The following NFIA variants were observed in gnomAD, a reference collection of about 807,000 sequenced individuals.
The protein encoded by NFIA is nuclear factor 1 A-type.
In NFIA, 8 loss-of-function variants were observed where a neutral mutation model predicts 62.8. That is an observed-to-expected ratio of 0.13 (90% CI 0.07 to 0.23). The LOEUF (loss-of-function observed/expected upper bound fraction) is 0.23. NFIA is among the 10% of genes least tolerant of loss of function. The probability of loss-of-function intolerance (pLI) is 1.00; values close to 1 mark genes in which losing one functional copy is unlikely to be tolerated. For synonymous variants in NFIA, 235 were observed against 238.1 expected (o/e 0.99, Z 0.12); for missense variants, 410 against 642.1 (o/e 0.64, Z 3.91).
chr1:61,316,145 C>G (rs1196462112), intron 3 of NFIA, among the ~76,000 whole-genome samples: 1 of 152,110 alleles, frequency 6.6e-6, no homozygotes, highest in Non-Finnish European at 1.5e-5. Context: ...TCCTCCCAAC[C>G]CCCCTCAACC....
At position 61,455,505 on chromosome 1, in the gene NFIA, C is replaced by A; in HGVS notation, c.*185C>A. The A allele has an allele frequency of 3.5e-6, 3 of 866,564 alleles. No individual in the cohort carries two copies. The highest frequency in any genetic ancestry group is 3.5e-6 in the Non-Finnish European group (2 of 579,192). The allele number at this position is 866,564 out of a possible 1,614,324, so 53.7% of individuals were successfully genotyped here. On this transcript the variant is annotated 3_prime_UTR_variant, in exon 11 of 11. Transcript: ENST00000403491. ...ATGGTCAAACAGCAAAGGCCATAAC[C>A]TTTTGGGATTTTTTTTTTTTTAAAA... is the stretch of plus-strand genomic sequence containing the variant.
chr1:61,114,482 C>G (rs1251834366), intron 2 of NFIA, among the ~76,000 whole-genome samples: 1 of 152,172 alleles, frequency 6.6e-6, no homozygotes, highest in Non-Finnish European at 1.5e-5. Flanking sequence ...GAGCAAGATC[C>G]TTTCTCAAAA....
At chr1:61,224,232 C>T (rs1448942699) in intron 2 of NFIA, among the ~76,000 whole-genome samples, 1 of 151,942 alleles carries the variant, frequency 6.6e-6, no homozygotes, top group East Asian at 1.9e-4. Flanking sequence ...AACAAGTTTA[C>T]TTAAGTCTAA....
chr1:61,216,430 C>T (rs930423669), intron 2 of NFIA, among the ~76,000 whole-genome samples: 24 of 152,152 alleles, frequency 1.6e-4, no homozygotes, highest in Middle Eastern at 3.4e-3. Flanking sequence ...ACTTCTTGCT[C>T]TGGGTAAAAG....
chr1:61,077,550 C>CA (rs544444924), upstream of NFIA: 645 of 1,200,902 alleles, frequency 5.4e-4, 1 homozygote, highest in East Asian at 1.9e-3. Context: ...TTTTTAAATG[C>CA]AAAAAAAAGG....
At chr1:61,427,368 ACT>A (rs1001687504) in intron 10 of NFIA, among the ~76,000 whole-genome samples, 4 of 152,106 alleles carry the variant, frequency 2.6e-5, no homozygotes, top group African/African-American at 7.2e-5. Flanking sequence ...TTTGAAATAA[ACT>A]CTCTGATTTC....
At chr1:61,393,244 C>CCTCTCTCTCTCTCT (rs766730638) in intron 7 of NFIA, among the ~76,000 whole-genome samples, 6 of 29,102 alleles carry the variant, frequency 2.1e-4, no homozygotes, top group Non-Finnish European at 2.8e-4. Context: ...TCGCCCTCTC[C>CCTCTCTCTCTCTCT]CTCTCTCTCT....
chr1:61,245,038 A>C (rs1358331073), intron 2 of NFIA, among the ~76,000 whole-genome samples: 1 of 152,184 alleles, frequency 6.6e-6, no homozygotes, highest in Non-Finnish European at 1.5e-5. Flanking sequence ...GGTTTGTCCA[A>C]CTCAAACATG....
chr1:61,253,723 T>G (rs1656195573), intron 2 of NFIA, among the ~76,000 whole-genome samples: 1 of 152,152 alleles, frequency 6.6e-6, no homozygotes, highest in South Asian at 2.1e-4. Context: ...GAGACCTCAA[T>G]TTTTGAAAGG....
At chr1:61,126,243 G>A (rs1646964385) in intron 2 of NFIA, among the ~76,000 whole-genome samples, 2 of 152,110 alleles carry the variant, frequency 1.3e-5, no homozygotes, top group African/African-American at 2.4e-5. Flanking sequence ...GTCTAATAAT[G>A]CAGATTCTTT....
intron 6 of NFIA, among the ~76,000 whole-genome samples, chr1:61,370,017 C>T (rs1486859886): frequency 6.6e-6 from 1 of 152,136 alleles, no homozygotes; most frequent in Non-Finnish European, 1.5e-5. Flanking sequence ...AGTTTGTTAA[C>T]ACTCCAGAAT....
At chr1:61,130,295 G>A (rs1377893295) in intron 2 of NFIA, among the ~76,000 whole-genome samples, 1 of 151,862 alleles carries the variant, frequency 6.6e-6, no homozygotes, top group African/African-American at 2.4e-5. Flanking sequence ...TGGTTTTTAC[G>A]GCATCAGAGA....
intron 9 of NFIA, among the ~76,000 whole-genome samples, chr1:61,421,434 GA>G (rs1043335823): frequency 1.4e-4 from 22 of 152,182 alleles, no homozygotes; most frequent in African/African-American, 5.1e-4. Flanking sequence ...AGGGAATGAA[GA>G]GGGGGTGAAT....
rs552990832 is a variant in NFIA, at chr1:61,144,275, A to G, written c.559+55595A>G. On this transcript the variant is annotated intron_variant, in intron 2 of 10. Transcript: ENST00000403491. ...AGCTCTAGGGGTGGGGCCTGATTTT[A>G]AACAAGCCCTGTAGATGATTATGAT... Among the ~76,000 whole-genome samples the G allele has an allele frequency of 4.6e-4, 70 of 152,214 alleles. 1 individual carries two copies. The highest frequency in any genetic ancestry group is 1.6e-3 in the Admixed American group (24 of 15,282).
intron 2 of NFIA, among the ~76,000 whole-genome samples, chr1:61,128,915 GTTTTTTT>G (rs10635152): frequency 1.3e-5 from 1 of 74,124 alleles, no homozygotes; most frequent in Non-Finnish European, 2.3e-5. Context: ...GCTTACTTAT[GTTTTTTT>G]TTTTTTTTTT....
intron 3 of NFIA, among the ~76,000 whole-genome samples, chr1:61,309,426 T>C (rs1406310023): frequency 1.3e-5 from 2 of 152,218 alleles, no homozygotes; most frequent in African/African-American, 2.4e-5. Flanking sequence ...TCTGGACATA[T>C]TTTATCTCCC....
At chr1:61,284,082 A>C (rs866702069) in intron 3 of NFIA, among the ~76,000 whole-genome samples, 1 of 152,234 alleles carries the variant, frequency 6.6e-6, no homozygotes, top group African/African-American at 2.4e-5. Context: ...TCTTCTCTGC[A>C]GTGTTCCTTC....
At chr1:61,252,813 C>T (rs1225803443) in intron 2 of NFIA, among the ~76,000 whole-genome samples, 1 of 152,182 alleles carries the variant, frequency 6.6e-6, no homozygotes, top group Non-Finnish European at 1.5e-5. Context: ...TGAGTATCTT[C>T]TTCATCCATT....
At position 61,330,443 on chromosome 1, in the gene NFIA, C is replaced by CCCACA. The variant is rs554691317; in HGVS notation, c.626-2068_626-2067insCACAC. ...AACTTAGGAAATAGATACACCCCCC[C>CCCACA]CACACACACACACACACGCACACAT... On this transcript the variant is annotated intron_variant, in intron 3 of 10. Transcript: ENST00000403491. Among the ~76,000 whole-genome samples the CCCACA allele has an allele frequency of 2.8e-3, 256 of 90,720 alleles. 9 individuals are homozygous for CCCACA. Among genetic ancestry groups the CCCACA allele is most frequent in the East Asian group, 0.012 (24 of 1,970 alleles). The allele number at this position is 90,720 out of a possible 152,430, so 59.5% of individuals were successfully genotyped here.
Sources: allele counts gnomAD v4.1 joint callset (sites outside exome capture counted in the v4.1 genomes callset), GRCh38; gene constraint gnomAD v4.1.1; transcripts MANE v1.5; gene names NCBI Gene and HGNC (gene_info 2026-07-23, HGNC 2026-07-21).